The following STAT4 variants were observed in gnomAD, a reference collection of about 807,000 sequenced individuals.
The protein encoded by STAT4 is signal transducer and activator of transcription 4.
STAT4 carries 42 observed loss-of-function variants against 110.5 expected under a neutral mutation model. The observed-to-expected ratio is 0.38, with a 90% confidence interval of 0.30 to 0.49. The LOEUF (loss-of-function observed/expected upper bound fraction) is 0.49, where lower values mean the gene tolerates loss of function less well. Among genes scored for constraint, STAT4 ranks in the 20% least tolerant of loss-of-function variants. STAT4 has a pLI of 0.95. For missense variants in STAT4, 632 were observed against 887.9 expected, an observed-to-expected ratio of 0.71 and a Z score of 3.66; for synonymous variants, 284 against 302.2, an observed-to-expected ratio of 0.94 and a Z score of 0.63.
intron 3 of STAT4, among the ~76,000 whole-genome samples, chr2:191,137,491 A>G (rs1356963819): frequency 1.3e-5 from 2 of 152,190 alleles, no homozygotes; most frequent in African/African-American, 2.4e-5. Context: ...TTTTTCACAG[A>G]AATAGAAAAA....
rs1697785999 is a variant in STAT4, at chr2:191,091,073, T to C, written c.274-14748A>G. ...TGGCTCAGTAACCTTTACTCTGTGA[T>C]AAGAACAGATATCTCGTCATCATTA... On this transcript the variant is annotated intron_variant, in intron 3 of 23. Transcript: ENST00000392320. The surrounding 1 kb of genome is among the most constrained non-coding windows in gnomAD (Gnocchi z 5.4). 6.6e-6 allele frequency among the ~76,000 whole-genome samples: 1 copy of C among 152,168 alleles called. No individual in the cohort carries two copies. Among genetic ancestry groups the C allele is most frequent in the African/African-American group, 2.4e-5 (1 of 41,430 alleles).
intron 3 of STAT4, among the ~76,000 whole-genome samples, chr2:191,105,344 A>G (rs1698249719): frequency 6.6e-6 from 1 of 152,234 alleles, no homozygotes. Context: ...TAAAAGCCAA[A>G]GCCTTTACAT....
Position 191,031,144 on chromosome 2 carries a change from T to G in STAT4, c.2112-64A>C, listed in dbSNP as rs550843347. 1.8e-5 allele frequency: 27 copies of G among 1,531,022 alleles called. No individual in the cohort carries two copies. In the East Asian group the frequency reaches 5.6e-4, roughly 32 times the overall value. The allele number at this position is 1,531,022 out of a possible 1,614,324, so 94.8% of individuals were successfully genotyped here. On this transcript the variant is annotated intron_variant, in intron 22 of 23. Coordinates refer to ENST00000392320, the MANE Select transcript of STAT4 (RefSeq NM_003151.4). The surrounding 1 kb of genome is among the most constrained non-coding windows in gnomAD (Gnocchi z 4.8). ...AAAATAATAATAGTTCACGGTGACT[T>G]ACTATGTCAGGAACTCATTTCTAGG...
chr2:191,108,347 A>G (rs980400595), intron 3 of STAT4, among the ~76,000 whole-genome samples: 5 of 152,218 alleles, frequency 3.3e-5, no homozygotes, highest in African/African-American at 1.2e-4. Context: ...ACAGAAAATA[A>G]GAGAACTTAG....
chr2:191,092,599 A>G (rs566830926), intron 3 of STAT4, among the ~76,000 whole-genome samples: 1 of 152,144 alleles, frequency 6.6e-6, no homozygotes, highest in Non-Finnish European at 1.5e-5. Context: ...CTGAATAGGA[A>G]CAGCTCCAGT....
At chr2:191,080,727 C>G (rs1697442408) in intron 3 of STAT4, among the ~76,000 whole-genome samples, 1 of 152,112 alleles carries the variant, frequency 6.6e-6, no homozygotes, top group Non-Finnish European at 1.5e-5. Context: ...TCATTGAGAA[C>G]CAGAATATAT....
In STAT4 at chr2:191,050,796, T is replaced by G. The variant is rs1454930762; in HGVS notation, c.1251+3694A>C. On this transcript the variant is annotated intron_variant, in intron 14 of 23. Transcript: ENST00000392320. This position sits in a 1 kb window ranked among gnomAD's most constrained non-coding sequence, Gnocchi z 4.3. ...TTTTCTGGGAAGAAAATGGGTCTTGTGCAACTTCTTCCTTTCACCCAATCC... is the reference window on the plus strand; with the variant it reads ...TTTTCTGGGAAGAAAATGGGTCTTGGGCAACTTCTTCCTTTCACCCAATCC... 6.6e-6 allele frequency among the ~76,000 whole-genome samples: 1 copy of G among 152,176 alleles called. No individual in the cohort carries two copies. The highest frequency in any genetic ancestry group is 2.4e-5 in the African/African-American group (1 of 41,440).
In STAT4 at chr2:191,050,693, T is replaced by G. The variant is rs1241699879; in HGVS notation, c.1251+3797A>C. Among the ~76,000 whole-genome samples the G allele has an allele frequency of 1.3e-5, 2 of 152,086 alleles. No homozygotes were observed. The highest frequency in any genetic ancestry group is 2.9e-5 in the Non-Finnish European group (2 of 68,014). On this transcript the variant is annotated intron_variant, in intron 14 of 23. Transcript: ENST00000392320. This position sits in a 1 kb window ranked among gnomAD's most constrained non-coding sequence, Gnocchi z 4.3. ...AAAGCTGCCTTGATAGAAACAGGCA[T>G]GAGGGAGCCAGAGCTCCACATTTCC...
intron 6 of STAT4, 102 bp downstream of exon 6, chr2:191,069,591 C>T (rs966125955): frequency 1.2e-5 from 11 of 882,282 alleles, no homozygotes; most frequent in Non-Finnish European, 2.0e-5. Context: ...CCTAGGCTCA[C>T]CTAAGGAAGT....
At chr2:191,123,615 C>G (rs186347046) in intron 3 of STAT4, among the ~76,000 whole-genome samples, 1 of 152,196 alleles carries the variant, frequency 6.6e-6, no homozygotes, top group Non-Finnish European at 1.5e-5. Flanking sequence ...GAACACCATA[C>G]CTTAAACATG....
intron 6 of STAT4, among the ~76,000 whole-genome samples, chr2:191,068,833 C>T (rs917146952): frequency 6.6e-6 from 1 of 152,028 alleles, no homozygotes; most frequent in African/African-American, 2.4e-5. Flanking sequence ...TTAATTGCAA[C>T]ATACTTTAAA....
chr2:191,056,923 C>T (rs1696713546), intron 13 of STAT4, among the ~76,000 whole-genome samples: 1 of 151,842 alleles, frequency 6.6e-6, no homozygotes, highest in Admixed American at 6.6e-5. Context: ...GCTGGGATTA[C>T]AGGCAGTTGC....
chr2:191,118,827 T>C lies in STAT4; in HGVS notation c.273+27786A>G, dbSNP rs568335277. On this transcript the variant is annotated intron_variant, in intron 3 of 23. Coordinates refer to ENST00000392320, the MANE Select transcript of STAT4 (RefSeq NM_003151.4). Reference sequence around the variant, plus strand: ...AGGCTAGAGTGCAGTGGCTTGATCATAGCTCACTGCAACCTCAAACTCTTG... The same window carrying C: ...AGGCTAGAGTGCAGTGGCTTGATCACAGCTCACTGCAACCTCAAACTCTTG... 1.7e-3 allele frequency among the ~76,000 whole-genome samples: 261 copies of C among 152,286 alleles called. 1 individual carries two copies. The highest frequency in any genetic ancestry group is 6.3e-3 in the African/African-American group (261 of 41,558).
Position 191,033,283 on chromosome 2 carries a change from G to T in STAT4, c.1853-134C>A. 1 of 1,151,674 alleles carries T rather than the reference G, an allele frequency of 8.7e-7. No individual in the cohort carries two copies. 71.3% of individuals were successfully genotyped at this position (1,151,674 alleles called of 1,614,324 possible). A position where few individuals can be genotyped will look rare whatever the true frequency, so the allele number is the denominator to read the frequency against. On this transcript the variant is annotated intron_variant, in intron 20 of 23. Coordinates refer to ENST00000392320, the MANE Select transcript of STAT4 (RefSeq NM_003151.4). The surrounding 1 kb of genome is among the most constrained non-coding windows in gnomAD (Gnocchi z 6.9). ...ATGTCACTTCAATGTCAGACCTTCT[G>T]CTGTCTGGACAGTATAGATTGTGCA...
In STAT4 at chr2:191,055,635, G is replaced by A. The variant is rs373179914; in HGVS notation, c.1207-1101C>T. 6.2e-4 allele frequency among the ~76,000 whole-genome samples: 95 copies of A among 152,246 alleles called. No homozygotes were observed. The East Asian group carries it at 0.016, about 25-fold the overall frequency. On this transcript the variant is annotated intron_variant, in intron 13 of 23. Transcript: ENST00000392320. ...CCCAAAGTGTTGGGATTACAGGCGT[G>A]AGCCACCACGCCCAGCTGATTTTTA... is the stretch of plus-strand genomic sequence containing the variant.
intron 3 of STAT4, among the ~76,000 whole-genome samples, chr2:191,098,136 G>A (rs1443732236): frequency 2.0e-5 from 3 of 152,196 alleles, no homozygotes; most frequent in Non-Finnish European, 2.9e-5. Flanking sequence ...AGGATGTGGA[G>A]AAATAGGAAC....
In STAT4 at chr2:191,148,077, A is replaced by G. The variant is rs1699503036; in HGVS notation, c.127T>C (p.Trp43Arg). 1 of 1,613,650 alleles carries G rather than the reference A, an allele frequency of 6.2e-7. No homozygotes were observed. Among genetic ancestry groups the G allele is most frequent in the Admixed American group, 1.7e-5 (1 of 59,976 alleles). Reference protein sequence around the residue: ...LLAQWIENQDWEAASNNETMA... With the variant: ...LLAQWIENQDREAASNNETMA... ...TAGGGAAAATATGTTTGATCCTACCAGTCTTGATTTTCAATCCATTGGGCC... is the reference window on the plus strand; with the variant it reads ...TAGGGAAAATATGTTTGATCCTACCGGTCTTGATTTTCAATCCATTGGGCC... The change falls in exon 2 of 24, where the codon TGG becomes CGG. Residue 43 changes from tryptophan to arginine, a missense_variant and splice_region_variant. By Grantham distance (101) the Trp-to-Arg change is moderately radical. Transcript: ENST00000392320.
At position 191,058,872 on chromosome 2, in the gene STAT4, T is replaced by C. The variant is rs1696776692; in HGVS notation, c.1035-103A>G. 6.2e-6 allele frequency: 4 copies of C among 647,508 alleles called. No individual in the cohort carries two copies. In the Admixed American group the frequency reaches 1.3e-4, roughly 20 times the overall value. The allele number at this position is 647,508 out of a possible 1,614,324, so 40.1% of individuals were successfully genotyped here. A position where few individuals can be genotyped will look rare whatever the true frequency, so the allele number is the denominator to read the frequency against. On this transcript the variant is annotated intron_variant, in intron 10 of 23. Coordinates refer to ENST00000392320, the MANE Select transcript of STAT4 (RefSeq NM_003151.4). This position sits in a 1 kb window ranked among gnomAD's most constrained non-coding sequence, Gnocchi z 4.3. The stretch of plus-strand genomic sequence containing the variant: ...TTAAATATACTATGAAATATGCATA[T>C]AAATAAACCTTACATTATCTACAGT...
intron 3 of STAT4, among the ~76,000 whole-genome samples, chr2:191,087,881 A>T (rs988179365): frequency 4.6e-5 from 7 of 152,134 alleles, no homozygotes; most frequent in Non-Finnish European, 5.9e-5. Flanking sequence ...AGGAATAGTG[A>T]AATTTCTCAA....
Sources: gnomAD v4.1 joint callset for allele counts (sites outside exome capture counted in the v4.1 genomes callset) on GRCh38, gnomAD v4.1.1 for gene constraint, Gnocchi (gnomAD v3.1) non-coding constraint, MANE v1.5 for transcripts, NCBI Gene and HGNC (gene_info 2026-07-23, HGNC 2026-07-21) for gene names.